BAIAP2: variants seen among roughly 807,000 people sequenced by gnomAD.
BAIAP2 encodes the protein BAR/IMD domain-containing adapter protein 2.
Under a neutral mutation model 63.0 loss-of-function variants are expected in BAIAP2, and 18 were observed. The ratio of observed to expected loss-of-function variants is 0.29; its 90% CI spans 0.20 to 0.42. The LOEUF (loss-of-function observed/expected upper bound fraction) is 0.42, where lower values mean the gene tolerates loss of function less well. BAIAP2 is among the 10% of genes least tolerant of loss of function. BAIAP2 has a pLI of 1.00. For synonymous variants in BAIAP2, 386 were observed against 307.6 expected (o/e 1.25, Z -2.67); for missense variants, 610 against 734.3 (o/e 0.83, Z 1.96).
intron 3 of BAIAP2, among the ~76,000 whole-genome samples, chr17:81,069,321 C>T (rs910438996): frequency 1.3e-5 from 2 of 152,228 alleles, no homozygotes; most frequent in African/African-American, 4.8e-5. Flanking sequence ...CCAGCCAGAG[C>T]ACGCACGCGG....
rs1405613896 is a variant in BAIAP2, at chr17:81,052,765, AG to A, written c.55-902del. On this transcript the variant is annotated intron_variant, in intron 1 of 13. Transcript: ENST00000428708. ...AGTTGCCCTTCCCTCCCCACTCTCT[AG>A]CCCACAGGTTGGGGCTGGGTGGGTT... Among the ~76,000 whole-genome samples, 3 of 151,444 alleles carry A rather than the reference AG, an allele frequency of 2.0e-5. No homozygotes were observed. The East Asian group carries it at 6.0e-4, about 30-fold the overall frequency.
intron 6 of BAIAP2, among the ~76,000 whole-genome samples, chr17:81,096,629 C>T (rs1019598427): frequency 6.6e-6 from 1 of 152,244 alleles, no homozygotes; most frequent in Non-Finnish European, 1.5e-5. Flanking sequence ...TCGGAGCACA[C>T]CCTCCCCACC....
At chr17:81,039,046 C>T (rs2046718451) in intron 1 of BAIAP2, among the ~76,000 whole-genome samples, 1 of 152,254 alleles carries the variant, frequency 6.6e-6, no homozygotes, top group South Asian at 2.1e-4. Context: ...TGGGGTGGCC[C>T]CCATGGGCAC....
chr17:81,088,864 G>C (rs570486979), intron 6 of BAIAP2, among the ~76,000 whole-genome samples: 5 of 152,350 alleles, frequency 3.3e-5, no homozygotes, highest in Admixed American at 3.3e-4. Flanking sequence ...GCATAGGGCC[G>C]GACAAAGGCA....
Position 81,057,981 on chromosome 17 carries a change from C to CCCCG in BAIAP2, c.217+17_217+18insGCCC. On this transcript the variant is annotated intron_variant, in intron 3 of 13. Coordinates refer to ENST00000428708, the MANE Select transcript of BAIAP2 (RefSeq NM_001144888.2). ...CCAAAGAACTCGGTGAGACCCCCCCCCCCCCCCCGCCTGGTAGTCGCCTGA... is the reference window on the plus strand; with the variant it reads ...CCAAAGAACTCGGTGAGACCCCCCCCCCCGCCCCCCCCGCCTGGTAGTCGCCTGA... The CCCCG allele has an allele frequency of 8.4e-7, 1 of 1,188,098 alleles. No individual in the cohort carries two copies. The highest frequency in any genetic ancestry group is 1.1e-6 in the Non-Finnish European group (1 of 903,646). The allele number at this position is 1,188,098 out of a possible 1,614,324, so 73.6% of individuals were successfully genotyped here. A position where few individuals can be genotyped will look rare whatever the true frequency, so the allele number is the denominator to read the frequency against.
intron 3 of BAIAP2, among the ~76,000 whole-genome samples, chr17:81,080,873 T>C (rs1263090375): frequency 6.6e-6 from 1 of 152,100 alleles, no homozygotes; most frequent in East Asian, 1.9e-4. Flanking sequence ...AAATGGGATA[T>C]GGCAAGAGCC....
chr17:81,088,665 C>A (rs1051321897), intron 6 of BAIAP2, among the ~76,000 whole-genome samples: 1 of 152,180 alleles, frequency 6.6e-6, no homozygotes, highest in African/African-American at 2.4e-5. Context: ...CTCATCGTGC[C>A]GTAGCCTGCG....
At chr17:81,083,415 C>G (rs2054978796) in intron 3 of BAIAP2, 1 of 152,226 alleles carries the variant, frequency 6.6e-6, no homozygotes, top group South Asian at 2.1e-4. Context: ...GTGGTCAGTG[C>G]CTGGCACTGG....
chr17:81,098,542 A>G (rs535377754), intron 6 of BAIAP2, among the ~76,000 whole-genome samples: 5 of 152,288 alleles, frequency 3.3e-5, no homozygotes, highest in South Asian at 2.1e-4. Flanking sequence ...CACCACCACC[A>G]TCCATCTCCA....
rs776705826 is a variant in BAIAP2, at chr17:81,046,021, G to A, written c.55-7647G>A. On this transcript the variant is annotated intron_variant, in intron 1 of 13. Transcript: ENST00000428708. This position sits in a 1 kb window ranked among gnomAD's most constrained non-coding sequence, Gnocchi z 4.5. ...GGCTCATGGTGGGGGCCCCTGGCAC[G>A]GCAGAGGGGTTTGGCCACCCAGTTT... 5.3e-5 allele frequency among the ~76,000 whole-genome samples: 8 copies of A among 152,266 alleles called. No homozygotes were observed. Among genetic ancestry groups the A allele is most frequent in the Middle Eastern group, 3.4e-3 (1 of 294 alleles).
chr17:81,108,836 C>G (rs1300946559), intron 13 of BAIAP2: 20 of 1,381,700 alleles, frequency 1.4e-5, no homozygotes, highest in East Asian at 2.5e-5. Context: ...CGCCCTTGTC[C>G]TGGGTCTTCC....
At chr17:81,085,795 C>G (rs948901615) in intron 5 of BAIAP2, 70 bp downstream of exon 5, 13 of 1,214,622 alleles carry the variant, frequency 1.1e-5, no homozygotes, top group African/African-American at 1.5e-5. Flanking sequence ...GCCTGCCACT[C>G]CTTCCTCGGC....
At chr17:81,071,303 G>A (rs2052609668) in intron 3 of BAIAP2, among the ~76,000 whole-genome samples, 1 of 152,114 alleles carries the variant, frequency 6.6e-6, no homozygotes. Context: ...GCCCCTGTGG[G>A]GGCTCTGATA....
rs979026198 is a variant in BAIAP2 at position 81,060,131 on chromosome 17, A to G, written c.217+2164A>G. 4.6e-5 allele frequency among the ~76,000 whole-genome samples: 7 copies of G among 152,340 alleles called. No individual in the cohort carries two copies. The East Asian group carries it at 1.2e-3, about 25-fold the overall frequency. On this transcript the variant is annotated intron_variant, in intron 3 of 13. Coordinates refer to ENST00000428708, the MANE Select transcript of BAIAP2 (RefSeq NM_001144888.2). Reference sequence around the variant, plus strand: ...TGTGCATCTGCAGAGGGCCAGCCACATGTCAGCCTTGCTCTGGGAGTCAGG... The same window carrying G: ...TGTGCATCTGCAGAGGGCCAGCCACGTGTCAGCCTTGCTCTGGGAGTCAGG...
chr17:81,050,254 G>A (rs535947702), intron 1 of BAIAP2, among the ~76,000 whole-genome samples: 3 of 152,224 alleles, frequency 2.0e-5, no homozygotes, highest in Non-Finnish European at 2.9e-5. Context: ...CGATGCCTCT[G>A]CCATTGCCTT....
chr17:81,057,973 A>ACC lies in BAIAP2; in HGVS notation c.217+21_217+22dup, dbSNP rs60972273. On this transcript the variant is annotated splice_region_variant and intron_variant, in intron 3 of 13. Transcript: ENST00000428708. ...CCAGGGCTCCAAAGAACTCGGTGAG[A>ACC]CCCCCCCCCCCCCCCCGCCTGGTAG... 178 of 765,612 alleles carry ACC rather than the reference A, an allele frequency of 2.3e-4. 1 individual carries two copies. Among genetic ancestry groups the ACC allele is most frequent in the African/African-American group, 2.6e-4 (6 of 22,736 alleles). 47.4% of individuals were successfully genotyped at this position (765,612 alleles called of 1,614,324 possible).
At position 81,106,794 on chromosome 17, in the gene BAIAP2, G is replaced by A. The variant is rs929249306; in HGVS notation, c.1387G>A (p.Asp463Asn). The change falls in exon 12 of 14, where the codon GAC becomes AAC. Residue 463 changes from aspartate (D) to asparagine (N), a missense_variant. Physicochemically the swap from Asp to Asn is conservative, Grantham distance 23 (BLOSUM62 1). This residue lies in a region of BAIAP2 where 11 missense variants were observed against 25.2 expected (regional missense o/e 0.44). Coordinates refer to ENST00000428708, the MANE Select transcript of BAIAP2 (RefSeq NM_001144888.2). The stretch of plus-strand genomic sequence containing the variant: ...CACGGGCAACCTCCTGGACAAGGAC[G>A]ACCTGGCCATCCCACCCCCCGATTA... ...SSTGNLLDKD[D>N]LAIPPPDYGA... 9.3e-6 allele frequency: 15 copies of A among 1,612,396 alleles called. No homozygotes were observed. In the African/African-American group the frequency reaches 1.1e-4, roughly 11 times the overall value.
At chr17:81,096,144 A>C (rs1318472845) in intron 6 of BAIAP2, among the ~76,000 whole-genome samples, 4 of 152,118 alleles carry the variant, frequency 2.6e-5, no homozygotes, top group Non-Finnish European at 5.9e-5. Context: ...TTCAGACAGC[A>C]ACCAGTGTGG....
rs2060538528 is a variant in BAIAP2 at position 81,116,420 on chromosome 17, C to T, written c.*581C>T. The T allele has an allele frequency of 1.4e-6, 2 of 1,384,986 alleles. No individual in the cohort carries two copies. Among genetic ancestry groups the T allele is most frequent in the South Asian group, 2.6e-5 (2 of 77,350 alleles). The allele number at this position is 1,384,986 out of a possible 1,614,324, so 85.8% of individuals were successfully genotyped here. A position where few individuals can be genotyped will look rare whatever the true frequency, so the allele number is the denominator to read the frequency against. ...CTCCTGGGCCCCTCACTCCCACTGGCAATGTCACAAGGGCCTCCCCAGGCC... is the reference window on the plus strand; with the variant it reads ...CTCCTGGGCCCCTCACTCCCACTGGTAATGTCACAAGGGCCTCCCCAGGCC... On this transcript the variant is annotated 3_prime_UTR_variant, in exon 14 of 14. Coordinates refer to ENST00000428708, the MANE Select transcript of BAIAP2 (RefSeq NM_001144888.2).
Sources: allele counts gnomAD v4.1 joint callset (sites outside exome capture counted in the v4.1 genomes callset), GRCh38; gene constraint gnomAD v4.1.1; regional missense constraint gnomAD v4.1.1; non-coding constraint Gnocchi (gnomAD v3.1); transcripts MANE v1.5; gene names NCBI Gene and HGNC (gene_info 2026-07-23, HGNC 2026-07-21).